The following LMO7 variants were observed in gnomAD, a reference collection of about 807,000 sequenced individuals.
LMO7 encodes the protein LIM domain 7, also known as LIM domain only protein 7.
A neutral mutation model predicts 206.5 loss-of-function variants in LMO7; 120 were observed. That is an observed-to-expected ratio of 0.58 (90% CI 0.50 to 0.68). The LOEUF is 0.68. Ranked by LOEUF, LMO7 falls within the 30% of genes least tolerant of loss-of-function variation. The pLI, the probability that LMO7 is intolerant of heterozygous loss-of-function variation, is 0.00. For missense variants in LMO7, 1,959 were observed against 1,957.9 expected (o/e 1.00, Z -0.01); for synonymous variants, 706 against 681.5 (o/e 1.04, Z -0.56).
At chr13:75,756,728 G>C (rs2047708926) in intron 3 of LMO7, among the ~76,000 whole-genome samples, 1 of 152,128 alleles carries the variant, frequency 6.6e-6, no homozygotes, top group South Asian at 2.1e-4. Flanking sequence ...TTAGTTCACT[G>C]ACATTCAAGT....
At chr13:75,845,762 C>G (rs1481124477) in intron 26 of LMO7, among the ~76,000 whole-genome samples, 2 of 151,942 alleles carry the variant, frequency 1.3e-5, no homozygotes, top group Admixed American at 1.3e-4. Context: ...CATGTAAATG[C>G]CAAAATGTCA....
At chr13:75,792,475 T>C (rs1291803448) in intron 4 of LMO7, among the ~76,000 whole-genome samples, 1 of 152,226 alleles carries the variant, frequency 6.6e-6, no homozygotes, top group African/African-American at 2.4e-5. Flanking sequence ...ACATATTTGT[T>C]GTGGAAAAAT....
chr13:75,762,267 C>A (rs1393957380), intron 4 of LMO7, among the ~76,000 whole-genome samples: 1 of 152,128 alleles, frequency 6.6e-6, no homozygotes, highest in African/African-American at 2.4e-5. Flanking sequence ...AATTTCATCA[C>A]CAAAGTGAAA....
intron 4 of LMO7, among the ~76,000 whole-genome samples, chr13:75,778,299 C>T (rs997805822): frequency 3.9e-5 from 6 of 152,054 alleles, no homozygotes; most frequent in African/African-American, 1.4e-4. Context: ...GTGGTGCGAT[C>T]TCAGCTCACT....
intron 1 of LMO7, among the ~76,000 whole-genome samples, chr13:75,696,096 C>T (rs2041880224): frequency 6.6e-6 from 1 of 152,198 alleles, no homozygotes; most frequent in Admixed American, 6.5e-5. Flanking sequence ...GTGGCTCATG[C>T]CTGTAATCCC....
chr13:75,663,716 C>T (rs2038855554), intron 1 of LMO7, among the ~76,000 whole-genome samples: 2 of 152,294 alleles, frequency 1.3e-5, no homozygotes, highest in African/African-American at 4.8e-5. Flanking sequence ...AGGCGTGAGC[C>T]ACTGCGCCTG....
At chr13:75,777,349 T>A (rs190824926) in intron 4 of LMO7, among the ~76,000 whole-genome samples, 2 of 152,366 alleles carry the variant, frequency 1.3e-5, no homozygotes, top group Admixed American at 1.3e-4. Flanking sequence ...GTTCATGCTA[T>A]TCCACATTTA....
intron 4 of LMO7, among the ~76,000 whole-genome samples, chr13:75,782,448 A>G (rs1180375179): frequency 1.3e-5 from 2 of 152,236 alleles, no homozygotes; most frequent in African/African-American, 4.8e-5. Context: ...TAAAATGTGA[A>G]TAACACTGAA....
chr13:75,724,950 G>C (rs748714335), intron 2 of LMO7, among the ~76,000 whole-genome samples: 1 of 152,070 alleles, frequency 6.6e-6, no homozygotes, highest in Non-Finnish European at 1.5e-5. Flanking sequence ...TGAAGGTTTA[G>C]GGTGGAAAAG....
At chr13:75,734,768 A>G (rs1448811693) in intron 3 of LMO7, among the ~76,000 whole-genome samples, 1 of 152,214 alleles carries the variant, frequency 6.6e-6, no homozygotes, top group Non-Finnish European at 1.5e-5. Context: ...TTCTATATCT[A>G]TCATTAATAG....
chr13:75,792,459 C>T (rs1251679823), intron 4 of LMO7, among the ~76,000 whole-genome samples: 2 of 152,204 alleles, frequency 1.3e-5, no homozygotes, highest in Non-Finnish European at 2.9e-5. Context: ...ACCATGTCAA[C>T]TTTGGACATA....
At chr13:75,669,986 AGGTCCCT>A (rs956712714) in intron 1 of LMO7, among the ~76,000 whole-genome samples, 1 of 152,158 alleles carries the variant, frequency 6.6e-6, no homozygotes, top group Non-Finnish European at 1.5e-5. Context: ...GCTTATTCTG[AGGTCCCT>A]GGAGGGTTTG....
chr13:75,723,822 T>C (rs770961537), intron 2 of LMO7, among the ~76,000 whole-genome samples: 43 of 152,148 alleles, frequency 2.8e-4, no homozygotes, highest in Non-Finnish European at 1.5e-4. Flanking sequence ...GCTGCTGCTA[T>C]ATCAAGATAC....
chr13:75,809,197 T>G lies in LMO7; in HGVS notation c.1946+14T>G, dbSNP rs2055962481. 2.5e-6 allele frequency: 4 copies of G among 1,609,210 alleles called. No homozygotes were observed. The Admixed American group carries it at 6.7e-5, about 27-fold the overall frequency. ...TGGTGAGAATGGGTAAGTTGTGTGG[T>G]TCACAGTAAAAAATCTGTGCGTGTT... On this transcript the variant is annotated intron_variant, in intron 11 of 30. Transcript: ENST00000377534.
intron 3 of LMO7, among the ~76,000 whole-genome samples, chr13:75,755,522 A>G (rs932051412): frequency 3.9e-5 from 6 of 152,116 alleles, no homozygotes; most frequent in African/African-American, 1.4e-4. Context: ...TCTCTTTGCT[A>G]TCAGGGCAAG....
At chr13:75,775,448 A>G (rs550176401) in intron 4 of LMO7, among the ~76,000 whole-genome samples, 1 of 152,268 alleles carries the variant, frequency 6.6e-6, no homozygotes, top group South Asian at 2.1e-4. Flanking sequence ...AAAACAAAAA[A>G]TAGACAAATG....
At chr13:75,643,110 C>A (rs913739168) in intron 1 of LMO7, among the ~76,000 whole-genome samples, 1 of 152,134 alleles carries the variant, frequency 6.6e-6, no homozygotes, top group African/African-American at 2.4e-5. Flanking sequence ...GGGAGTATGC[C>A]GATTTATTCA....
intron 1 of LMO7, among the ~76,000 whole-genome samples, chr13:75,668,618 C>A (rs2139351246): frequency 6.6e-6 from 1 of 152,254 alleles, no homozygotes; most frequent in Non-Finnish European, 1.5e-5. Context: ...AACTCACTTC[C>A]AGTAAATGCC....
At chr13:75,797,743 A>G (rs1010037575) in intron 6 of LMO7, among the ~76,000 whole-genome samples, 3 of 152,216 alleles carry the variant, frequency 2.0e-5, no homozygotes, top group African/African-American at 4.8e-5. Flanking sequence ...CACATGTATT[A>G]TAGCAAGAGG....
Sources: allele counts gnomAD v4.1 joint callset (sites outside exome capture counted in the v4.1 genomes callset), GRCh38; gene constraint gnomAD v4.1.1; transcripts MANE v1.5; gene names NCBI Gene and HGNC (gene_info 2026-07-23, HGNC 2026-07-21).